BRWD3: variants seen among roughly 807,000 people sequenced by gnomAD.
BRWD3 encodes bromodomain and WD repeat-containing protein 3.
Under a neutral mutation model 149.7 loss-of-function variants are expected in BRWD3, and 10 were observed. The observed-to-expected ratio is 0.07, with a 90% CI of 0.04 to 0.11. The LOEUF is 0.11. BRWD3 is among the 10% of genes least tolerant of loss of function. The pLI is 1.00. For missense variants in BRWD3, 940 were observed against 1,373.2 expected (o/e 0.68, Z 4.99); for synonymous variants, 504 against 456.7 (o/e 1.10, Z -1.32).
At chrX:80,702,868 A>T (rs1057500339) in intron 24 of BRWD3, among the ~76,000 whole-genome samples, 10 of 111,887 alleles carry the variant, frequency 8.9e-5, no homozygotes, top group Non-Finnish European at 1.5e-4. Context: ...TTAATTGATT[A>T]AAAAAATTAG....
chrX:80,713,565 G>T (rs2073027120), intron 20 of BRWD3, among the ~76,000 whole-genome samples: 1 of 109,733 alleles, frequency 9.1e-6, no homozygotes, highest in Non-Finnish European at 1.9e-5. Flanking sequence ...GAAGGCCGCA[G>T]GGTCCTCTGC....
At chrX:80,699,572 T>C (rs1473792260) in intron 25 of BRWD3, among the ~76,000 whole-genome samples, 1 of 111,826 alleles carries the variant, frequency 8.9e-6, no homozygotes, top group Admixed American at 9.5e-5. Flanking sequence ...ACCAAAAGTT[T>C]CTGGGCTTCT....
At chrX:80,714,127 G>A (rs977292982) in intron 20 of BRWD3, among the ~76,000 whole-genome samples, 9 of 110,054 alleles carry the variant, frequency 8.2e-5, no homozygotes, top group South Asian at 7.7e-4. Flanking sequence ...TTTTAAGTCC[G>A]ATAACAAACA....
chrX:80,734,028 T>C (rs2073370811), intron 11 of BRWD3, 90 bp downstream of exon 11: 9 of 670,276 alleles, frequency 1.3e-5, no homozygotes, highest in South Asian at 2.2e-5. Context: ...GTGATTTGTA[T>C]ATGTTACTAT....
At chrX:80,752,855 G>A (rs1487417513) in intron 6 of BRWD3, among the ~76,000 whole-genome samples, 2 of 111,069 alleles carry the variant, frequency 1.8e-5, no homozygotes, top group African/African-American at 6.6e-5. Context: ...AGTAGAGACA[G>A]GGTTTTGTCA....
intron 20 of BRWD3, among the ~76,000 whole-genome samples, chrX:80,713,897 G>A (rs2073035132): frequency 9.0e-6 from 1 of 111,647 alleles, no homozygotes; most frequent in Non-Finnish European, 1.9e-5. Flanking sequence ...AGTCCCATCA[G>A]AGCGGTTTTA....
intron 6 of BRWD3, among the ~76,000 whole-genome samples, chrX:80,754,073 T>C (rs1026234164): frequency 3.6e-5 from 4 of 112,118 alleles, no homozygotes; most frequent in Non-Finnish European, 5.6e-5. Flanking sequence ...GGTATTTTCA[T>C]GGAGATTACA....
At chrX:80,687,133 T>C in intron 34 of BRWD3, 130 bp from the exon 35 acceptor site, 2 of 479,626 alleles carry the variant, frequency 4.2e-6, no homozygotes, top group Non-Finnish European at 6.2e-6. Context: ...TGGCAGCTGC[T>C]ATTTTAGTTT....
intron 6 of BRWD3, among the ~76,000 whole-genome samples, chrX:80,755,136 C>A (rs2073722443): frequency 9.0e-6 from 1 of 111,164 alleles, no homozygotes; most frequent in African/African-American, 3.3e-5. Flanking sequence ...AATGTTGAAC[C>A]ATCTTTGCAT....
chrX:80,798,677 A>C lies in BRWD3; in HGVS notation c.181-4905T>G, dbSNP rs375552459. 3.6e-5 allele frequency among the ~76,000 whole-genome samples: 4 copies of C among 110,929 alleles called. No homozygotes were observed. In the East Asian group the frequency reaches 8.5e-4, roughly 23 times the overall value. ...GCCAGGTGTGGTGGCTCACGCCTGT[A>C]ATCTCAGCACTTGAGAGACAGAGAT... On this transcript the variant is annotated intron_variant, in intron 4 of 40. Transcript: ENST00000373275.
chrX:80,709,400 A>G (rs1417871208), intron 21 of BRWD3, 28 bp downstream of exon 21: 4 of 1,178,995 alleles, frequency 3.4e-6, no homozygotes, highest in Non-Finnish European at 4.6e-6. Context: ...AAAAAACTAC[A>G]TCAAATAAAT....
In BRWD3 at chrX:80,736,053, G is replaced by T; in HGVS notation, c.849C>A (p.Leu283=). The T allele has an allele frequency of 8.3e-7, 1 of 1,197,621 alleles. No individual in the cohort carries two copies. The highest frequency in any genetic ancestry group is 1.1e-6 in the Non-Finnish European group (1 of 886,646). ...TTGTTCCATCAGCACCAGTAGAAGT[G>T]AGGTATCTGTTTGTGCCTTTAGTTG... is the stretch of plus-strand genomic sequence containing the variant. ...CPSTKGTNRY[L]TSTGADGTIC... is the part of the protein sequence containing the mutation. Residue 283 remains leucine, a synonymous_variant, in exon 9 of 41, where the codon CTC becomes CTA. Transcript: ENST00000373275.
intron 8 of BRWD3, among the ~76,000 whole-genome samples, chrX:80,739,371 T>C (rs1329080114): frequency 9.0e-6 from 1 of 111,559 alleles, no homozygotes; most frequent in African/African-American, 3.3e-5. Flanking sequence ...TTGAAATACC[T>C]AGTAGACATC....
chrX:80,718,925 C>A (rs2073108216), intron 18 of BRWD3, among the ~76,000 whole-genome samples: 1 of 111,374 alleles, frequency 9.0e-6, no homozygotes, highest in African/African-American at 3.3e-5. Context: ...ATTTTAATAT[C>A]ATTTAAGGAT....
At chrX:80,691,697 T>C (rs2072613130) in intron 30 of BRWD3, 126 bp downstream of exon 30, 1 of 855,822 alleles carries the variant, frequency 1.2e-6, no homozygotes, top group Admixed American at 2.6e-5. Context: ...CTAGAATCAC[T>C]GTGCTTCTTG....
chrX:80,743,822 T>A (rs1287012037), intron 8 of BRWD3: 2 of 389,093 alleles, frequency 5.1e-6, no homozygotes, highest in Admixed American at 9.6e-5. Context: ...TAGAACTTTT[T>A]AAATCATCTT....
intron 6 of BRWD3, among the ~76,000 whole-genome samples, chrX:80,775,517 G>A (rs1039257956): frequency 4.5e-5 from 5 of 111,743 alleles, no homozygotes; most frequent in Non-Finnish European, 7.5e-5. Context: ...GAAATCAGAG[G>A]ATGGAAACTA....
chrX:80,775,409 G>A (rs2073990334), intron 6 of BRWD3, among the ~76,000 whole-genome samples: 1 of 111,453 alleles, frequency 9.0e-6, no homozygotes, highest in Non-Finnish European at 1.9e-5. Flanking sequence ...CACAATTGGG[G>A]CCCAGAGTAT....
chrX:80,753,194 G>A (rs1256124714), intron 6 of BRWD3, among the ~76,000 whole-genome samples: 3 of 109,403 alleles, frequency 2.7e-5, no homozygotes, highest in Non-Finnish European at 5.7e-5. Context: ...TTCTTTTGTT[G>A]TGCATAAGCT....
Sources: gnomAD v4.1 joint callset for allele counts (sites outside exome capture counted in the v4.1 genomes callset) on GRCh38, gnomAD v4.1.1 for gene constraint, MANE v1.5 for transcripts, NCBI Gene and HGNC (gene_info 2026-07-23, HGNC 2026-07-21) for gene names.